The following KCNQ2 variants were observed in gnomAD, a reference collection of about 807,000 sequenced individuals.
KCNQ2 encodes the protein potassium voltage-gated channel subfamily KQT member 2.
Under a neutral mutation model 84.8 loss-of-function variants are expected in KCNQ2, and 14 were observed. That is an observed-to-expected ratio of 0.17 (90% CI 0.11 to 0.26). The LOEUF (loss-of-function observed/expected upper bound fraction) is 0.26. KCNQ2 is among the 10% of genes least tolerant of loss of function. The pLI is 1.00. For synonymous variants in KCNQ2, 599 were observed against 554.1 expected, an observed-to-expected ratio of 1.08 and a Z score of -1.14; for missense variants, 788 against 1,254.0, an observed-to-expected ratio of 0.63 and a Z score of 5.61.
chr20:63,453,333 T>TGGCAGTGGTGCC (rs1237689300), intron 1 of KCNQ2, among the ~76,000 whole-genome samples: 15 of 152,322 alleles, frequency 9.8e-5, no homozygotes, highest in African/African-American at 3.6e-4. Context: ...GCAGGGGCGC[T>TGGCAGTGGTGCC]GGCAGTGGTG....
intron 5 of KCNQ2, among the ~76,000 whole-genome samples, 177 bp downstream of exon 5, chr20:63,442,229 C>T (rs1215805396): frequency 6.6e-6 from 1 of 151,924 alleles, no homozygotes; most frequent in South Asian, 2.1e-4. Flanking sequence ...CACCCACTCC[C>T]CCGCCAGCTT....
In KCNQ2 at chr20:63,411,911, C is replaced by CG. The variant is rs1034412746; in HGVS notation, c.1763+1538dup. 3.5e-5 allele frequency: 25 copies of CG among 711,902 alleles called. No individual in the cohort carries two copies. In the African/African-American group the frequency reaches 4.0e-4, roughly 12 times the overall value. The allele number at this position is 711,902 out of a possible 1,614,324, so 44.1% of individuals were successfully genotyped here. ...GCAGAGTAAACAAGAAAAGAGACAC[C>CG]GGCGAAACGCATCGTAAAGCCACAG... On this transcript the variant is annotated intron_variant, in intron 15 of 16. Transcript: ENST00000359125.
At chr20:63,445,897 GCCCTGTCTGAGCTGGGGGA>G (rs2081407522) in intron 2 of KCNQ2, among the ~76,000 whole-genome samples, 1 of 27,694 alleles carries the variant, frequency 3.6e-5, no homozygotes, top group Non-Finnish European at 7.8e-5. Flanking sequence ...GAGCTGGGAG[GCCCTGTCTGAGCTGGGGGA>G]CCCTGTCTGA....
At chr20:63,443,010 C>T (rs1600773209) in intron 4 of KCNQ2, among the ~76,000 whole-genome samples, 2 of 33,286 alleles carry the variant, frequency 6.0e-5, no homozygotes. Context: ...ACCACCATCA[C>T]CATCACCACC....
rs554715797 is a variant in KCNQ2 at position 63,424,874 on chromosome 20, C to T, written c.1218-668G>A. 8.5e-5 allele frequency among the ~76,000 whole-genome samples: 13 copies of T among 152,368 alleles called. No individual in the cohort carries two copies. The South Asian group carries it at 1.5e-3, about 17-fold the overall frequency. On this transcript the variant is annotated intron_variant, in intron 10 of 16. Coordinates refer to ENST00000359125, the MANE Select transcript of KCNQ2 (RefSeq NM_172107.4). ...ATCCATGGGGAGGCCCCAGCGATCT[C>T]ATTCGAACACCTGGGCTGGTGCCCC...
At chr20:63,423,845 A>C in intron 11 of KCNQ2, 1 of 415,222 alleles carries the variant, frequency 2.4e-6, no homozygotes, top group Non-Finnish European at 4.4e-6. Context: ...AGCTGGAGGG[A>C]GCGCACTAAC....
At chr20:63,454,546 G>A (rs563418075) in intron 1 of KCNQ2, among the ~76,000 whole-genome samples, 3 of 152,354 alleles carry the variant, frequency 2.0e-5, no homozygotes, top group East Asian at 1.9e-4. Flanking sequence ...TCCAAACTGC[G>A]GATAGTTCCC....
chr20:63,417,176 C>T (rs1396881533), intron 12 of KCNQ2, among the ~76,000 whole-genome samples: 1 of 152,240 alleles, frequency 6.6e-6, no homozygotes, highest in Non-Finnish European at 1.5e-5. Context: ...TGCCTCTGTC[C>T]CAACGGCCTC....
At chr20:63,411,147 G>A (rs764123118) in intron 15 of KCNQ2, 40 of 394,142 alleles carry the variant, frequency 1.0e-4, no homozygotes, top group Non-Finnish European at 2.0e-4. Context: ...CGGAGCTGCT[G>A]GAGCGCACGC....
intron 1 of KCNQ2, among the ~76,000 whole-genome samples, chr20:63,461,792 G>C (rs1449013041): frequency 6.7e-6 from 1 of 148,694 alleles, no homozygotes; most frequent in Non-Finnish European, 1.5e-5. Context: ...GAGCAGGGAA[G>C]AGGCTGCACC....
rs6122440 is a variant in KCNQ2, at chr20:63,406,396, G to A, written c.*248C>T. The stretch of plus-strand genomic sequence containing the variant: ...TGAGCAGAGTGGACAGGGCAGCCTT[G>A]CTCCTGCACGCTGCTCCTGGAGCCA... On this transcript the variant is annotated 3_prime_UTR_variant, in exon 17 of 17. Transcript: ENST00000359125. 24,778 of 548,550 alleles carry A rather than the reference G, an allele frequency of 0.045. 3,166 individuals are homozygous for A. The highest frequency in any genetic ancestry group is 0.43 in the East Asian group (13,633 of 32,028). The allele number at this position is 548,550 out of a possible 1,614,324, so 34.0% of individuals were successfully genotyped here.
Position 63,406,037 on chromosome 20 carries a change from G to A in KCNQ2, c.*607C>T, listed in dbSNP as rs1029722093. The stretch of plus-strand genomic sequence containing the variant: ...TGGAAAGAGCCCTCAGATCCCAGAA[G>A]GTACAGGGAGAAGACGCCAACCAAT... On this transcript the variant is annotated 3_prime_UTR_variant, in exon 17 of 17. Coordinates refer to ENST00000359125, the MANE Select transcript of KCNQ2 (RefSeq NM_172107.4). 3.3e-5 allele frequency: 5 copies of A among 152,432 alleles called. No homozygotes were observed. Among genetic ancestry groups the A allele is most frequent in the African/African-American group, 1.2e-4 (5 of 41,572 alleles). 9.4% of individuals were successfully genotyped at this position (152,432 alleles called of 1,614,324 possible). A position where few individuals can be genotyped will look rare whatever the true frequency, so the allele number is the denominator to read the frequency against.
chr20:63,425,602 C>T lies in KCNQ2; in HGVS notation c.1218-1396G>A, dbSNP rs1010954281. 6.6e-6 allele frequency among the ~76,000 whole-genome samples: 1 copy of T among 152,098 alleles called. No individual in the cohort carries two copies. Among genetic ancestry groups the T allele is most frequent in the African/African-American group, 2.4e-5 (1 of 41,392 alleles). Reference sequence around the variant, plus strand: ...GGGTGTGGTGGCAGGTGCCTGTAATCCCAGGTACTCGGGAGGTTGAGGGAG... The same window carrying T: ...GGGTGTGGTGGCAGGTGCCTGTAATTCCAGGTACTCGGGAGGTTGAGGGAG... On this transcript the variant is annotated intron_variant, in intron 10 of 16. Transcript: ENST00000359125. This position sits in a 1 kb window ranked among gnomAD's most constrained non-coding sequence, Gnocchi z 5.5.
chr20:63,414,016 G>T lies in KCNQ2; in HGVS notation c.1631+72C>A. ...GCTCTGTCCAGCACCATGAGCACCG[G>T]CAGCAGGCAGGACCACCGAGCGGGA... On this transcript the variant is annotated intron_variant, in intron 14 of 16. Coordinates refer to ENST00000359125, the MANE Select transcript of KCNQ2 (RefSeq NM_172107.4). This position sits in a 1 kb window ranked among gnomAD's most constrained non-coding sequence, Gnocchi z 6.6. 8.8e-7 allele frequency: 1 copy of T among 1,136,478 alleles called. No homozygotes were observed. Among genetic ancestry groups the T allele is most frequent in the Non-Finnish European group, 1.3e-6 (1 of 747,842 alleles). 70.4% of individuals were successfully genotyped at this position (1,136,478 alleles called of 1,614,324 possible). A position where few individuals can be genotyped will look rare whatever the true frequency, so the allele number is the denominator to read the frequency against.
chr20:63,465,681 C>T (rs1463164017), intron 1 of KCNQ2, among the ~76,000 whole-genome samples: 3 of 152,202 alleles, frequency 2.0e-5, no homozygotes, highest in Non-Finnish European at 4.4e-5. Context: ...ATCTGTTAGG[C>T]GTGTTGAACA....
intron 4 of KCNQ2, among the ~76,000 whole-genome samples, chr20:63,442,957 C>CACT (rs2081256120): frequency 7.7e-6 from 1 of 129,220 alleles, no homozygotes; most frequent in Admixed American, 7.5e-5. Flanking sequence ...CCATCATCAC[C>CACT]ATCACCACCA....
chr20:63,440,893 C>G (rs915777494), intron 5 of KCNQ2, among the ~76,000 whole-genome samples: 2 of 151,902 alleles, frequency 1.3e-5, no homozygotes, highest in Non-Finnish European at 2.9e-5. Context: ...ACCAAGAAAC[C>G]TCTCCTGGGG....
chr20:63,445,660 G>GTGGGGGGTGGCCCTGTCTGA, intron 2 of KCNQ2: 1 of 242,364 alleles, frequency 4.1e-6, no homozygotes, highest in South Asian at 2.7e-5. Context: ...TGTCTGAGCT[G>GTGGGGGGTGGCCCTGTCTGA]GCAGGGCTGC....
At position 63,414,293 on chromosome 20, in the gene KCNQ2, C is replaced by T. The variant is rs539295222; in HGVS notation, c.1526-100G>A. 3 of 845,426 alleles carry T rather than the reference C, an allele frequency of 3.5e-6. No individual in the cohort carries two copies. The African/African-American group carries it at 5.0e-5, about 14-fold the overall frequency. The allele number at this position is 845,426 out of a possible 1,614,324, so 52.4% of individuals were successfully genotyped here. On this transcript the variant is annotated intron_variant, in intron 13 of 16. Coordinates refer to ENST00000359125, the MANE Select transcript of KCNQ2 (RefSeq NM_172107.4). The surrounding 1 kb of genome is among the most constrained non-coding windows in gnomAD (Gnocchi z 6.6). ...CGGCTAGACAGAGCGCCAGGGAGCC[C>T]CTCGAGGCTCCCTGTGGTGCCCCTC...
Sources: gnomAD v4.1 joint callset for allele counts (sites outside exome capture counted in the v4.1 genomes callset) on GRCh38, gnomAD v4.1.1 for gene constraint, Gnocchi (gnomAD v3.1) non-coding constraint, MANE v1.5 for transcripts, NCBI Gene and HGNC (gene_info 2026-07-23, HGNC 2026-07-21) for gene names.